TCAIM: variants seen among roughly 807,000 people sequenced by gnomAD.
The protein encoded by TCAIM is T cell activation inhibitor, mitochondrial, also known as T-cell activation inhibitor, mitochondrial.
A neutral mutation model predicts 58.6 loss-of-function variants in TCAIM; 36 were observed. The observed-to-expected ratio is 0.61, with a 90% CI of 0.47 to 0.81. The LOEUF is 0.81. Ranked by LOEUF, TCAIM falls within the 30% of genes least tolerant of loss-of-function variation. TCAIM has a pLI of 0.00. For missense variants in TCAIM, 466 were observed against 579.6 expected (o/e 0.80, Z 2.01); for synonymous variants, 172 against 193.6 (o/e 0.89, Z 0.93).
intron 5 of TCAIM, among the ~76,000 whole-genome samples, chr3:44,372,011 AAGGAAGGAAG>A (rs1474204218): frequency 7.3e-4 from 12 of 16,394 alleles, no homozygotes; most frequent in African/African-American, 1.6e-3. Context: ...AGAAAGAGAG[AAGGAAGGAAG>A]GAAGGAAGGA....
chr3:44,383,309 A>G (rs926519496), intron 5 of TCAIM, among the ~76,000 whole-genome samples: 1 of 152,246 alleles, frequency 6.6e-6, no homozygotes, highest in African/African-American at 2.4e-5. Flanking sequence ...CCAAGTGTCC[A>G]TCAGTGGATG....
At chr3:44,357,393 A>AAG (rs34403193) in intron 2 of TCAIM, among the ~76,000 whole-genome samples, 1 of 151,754 alleles carries the variant, frequency 6.6e-6, no homozygotes, top group Non-Finnish European at 1.5e-5. Context: ...TATATATAGA[A>AAG]AGAGAATTAC....
rs145499863 is a variant in TCAIM, at chr3:44,342,728, TA to T, written c.-45+3897del. 8.6e-3 allele frequency among the ~76,000 whole-genome samples: 1,307 copies of T among 151,704 alleles called. 19 individuals are homozygous for T. Among genetic ancestry groups the T allele is most frequent in the African/African-American group, 0.03 (1,261 of 41,346 alleles). On this transcript the variant is annotated intron_variant, in intron 1 of 10. Transcript: ENST00000342649. ...ATCACTAAAGCCTTTTTTTTTTTTT[TA>T]AATTGTAGAAAGCCTACCTCTGATC...
At chr3:44,340,310 CTTCTAA>C (rs1700830821) in intron 1 of TCAIM, 1 of 152,118 alleles carries the variant, frequency 6.6e-6, no homozygotes, top group Admixed American at 6.5e-5. Flanking sequence ...GTTATCAGGC[CTTCTAA>C]TTTAGCTTCC....
At chr3:44,358,915 T>C (rs1468348978) in intron 3 of TCAIM, 4 of 985,378 alleles carry the variant, frequency 4.1e-6, no homozygotes, top group Middle Eastern at 5.2e-4. Context: ...GATTATGATA[T>C]GTGATATGTT....
intron 1 of TCAIM, among the ~76,000 whole-genome samples, chr3:44,351,125 A>T (rs1224229212): frequency 6.6e-6 from 1 of 152,070 alleles, no homozygotes; most frequent in Non-Finnish European, 1.5e-5. Flanking sequence ...TGTAGCTGGG[A>T]CTACAGACAT....
intron 1 of TCAIM, among the ~76,000 whole-genome samples, chr3:44,351,636 A>G (rs965425919): frequency 5.9e-5 from 9 of 151,838 alleles, no homozygotes; most frequent in African/African-American, 2.2e-4. Flanking sequence ...CTGGGATTAC[A>G]GGGTCCCACT....
At chr3:44,365,507 T>C (rs1183595775) in intron 4 of TCAIM, among the ~76,000 whole-genome samples, 1 of 152,104 alleles carries the variant, frequency 6.6e-6, no homozygotes, top group Non-Finnish European at 1.5e-5. Context: ...TTTGTATTTT[T>C]AGTAGAGACG....
In TCAIM at chr3:44,352,179, C is replaced by T. The variant is rs189985114; in HGVS notation, c.-44-2560C>T. Among the ~76,000 whole-genome samples, 595 of 151,364 alleles carry T rather than the reference C, an allele frequency of 3.9e-3. 1 individual carries two copies. The highest frequency in any genetic ancestry group is 0.013 in the African/African-American group (533 of 41,334). On this transcript the variant is annotated intron_variant, in intron 1 of 10. Coordinates refer to ENST00000342649, the MANE Select transcript of TCAIM (RefSeq NM_173826.4). ...CCATGTGGTGATTGTTTTGAGAGAA[C>T]GTGCTACTCAGCAGCTCTCCACAAG...
chr3:44,360,439 T>G (rs1374166645), intron 3 of TCAIM, among the ~76,000 whole-genome samples: 2 of 152,048 alleles, frequency 1.3e-5, no homozygotes, highest in East Asian at 1.9e-4. Flanking sequence ...ACAGGATTTT[T>G]GGGTTTTTTA....
At chr3:44,365,398 G>A (rs925319412) in intron 4 of TCAIM, among the ~76,000 whole-genome samples, 11 of 151,606 alleles carry the variant, frequency 7.3e-5, no homozygotes, top group Non-Finnish European at 1.0e-4. Flanking sequence ...GCACAATCTC[G>A]GCTCACTGCA....
chr3:44,358,196 T>G (rs754827682), intron 3 of TCAIM: 61 of 1,560,956 alleles, frequency 3.9e-5, no homozygotes, highest in Non-Finnish European at 5.1e-5. Context: ...GATCAATCTC[T>G]CTCTCTTTTT....
chr3:44,343,582 T>A (rs138688117), intron 1 of TCAIM, among the ~76,000 whole-genome samples: 110 of 152,360 alleles, frequency 7.2e-4, no homozygotes, highest in African/African-American at 2.5e-3. Flanking sequence ...TTAACACATC[T>A]CTATTTAGAC....
chr3:44,395,821 C>CA (rs1253698780), intron 6 of TCAIM, among the ~76,000 whole-genome samples: 3 of 152,124 alleles, frequency 2.0e-5, no homozygotes, highest in African/African-American at 7.2e-5. Context: ...CCTGTCTCTA[C>CA]AAAAAAATTT....
chr3:44,363,065 A>C (rs1701317487), intron 4 of TCAIM: 1 of 152,212 alleles, frequency 6.6e-6, no homozygotes, highest in African/African-American at 2.4e-5. Flanking sequence ...ATGTGGTTGA[A>C]AGAGTCGAGC....
At chr3:44,347,945 C>T (rs576502676) in intron 1 of TCAIM, among the ~76,000 whole-genome samples, 1 of 152,188 alleles carries the variant, frequency 6.6e-6, no homozygotes, top group Non-Finnish European at 1.5e-5. Flanking sequence ...TGAGGTGTGG[C>T]TGTAGCCTAG....
chr3:44,380,188 T>C (rs1267254051), intron 5 of TCAIM, among the ~76,000 whole-genome samples: 2 of 152,110 alleles, frequency 1.3e-5, no homozygotes, highest in Non-Finnish European at 1.5e-5. Context: ...TACAGTTTGA[T>C]AGAAAAAAAT....
chr3:44,397,213 A>G (rs1701949070), intron 8 of TCAIM, among the ~76,000 whole-genome samples: 1 of 152,216 alleles, frequency 6.6e-6, no homozygotes, highest in South Asian at 2.1e-4. Context: ...ATGTATGCCC[A>G]TGAAGCCATT....
chr3:44,384,118 T>C (rs1037474590), intron 5 of TCAIM, among the ~76,000 whole-genome samples: 1 of 152,200 alleles, frequency 6.6e-6, no homozygotes, highest in Non-Finnish European at 1.5e-5. Flanking sequence ...TCAATAGTAA[T>C]TAATTGGACT....
Sources: gnomAD v4.1 joint callset for allele counts (sites outside exome capture counted in the v4.1 genomes callset) on GRCh38, gnomAD v4.1.1 for gene constraint, MANE v1.5 for transcripts, NCBI Gene and HGNC (gene_info 2026-07-23, HGNC 2026-07-21) for gene names.